RBFOX1: variants seen among roughly 807,000 people sequenced by gnomAD.
RBFOX1 encodes the protein RNA binding fox-1 homolog 1, also known as RNA binding protein fox-1 homolog 1.
In RBFOX1, 8 loss-of-function variants were observed where a neutral mutation model predicts 57.7. The observed-to-expected ratio is 0.14, with a 90% confidence interval of 0.08 to 0.25. The LOEUF is 0.25. RBFOX1 is among the 10% of genes least tolerant of loss of function. The probability of loss-of-function intolerance (pLI) is 1.00; values close to 1 mark genes in which losing one functional copy is unlikely to be tolerated. For synonymous variants in RBFOX1, 326 were observed against 222.4 expected (o/e 1.47, Z -4.15); for missense variants, 611 against 548.5 (o/e 1.11, Z -1.14).
intron 3 of RBFOX1, among the ~76,000 whole-genome samples, chr16:5,756,243 A>AC (rs2053391876): frequency 6.6e-6 from 1 of 151,212 alleles, no homozygotes; most frequent in Middle Eastern, 3.4e-3. Context: ...AAAAAAAAAA[A>AC]AAAAACCCTG....
intron 3 of RBFOX1, among the ~76,000 whole-genome samples, chr16:5,701,760 T>C (rs1033773114): frequency 6.6e-6 from 1 of 152,214 alleles, no homozygotes; most frequent in African/African-American, 2.4e-5. Context: ...GATGACCATC[T>C]TACCAGAGGC....
intron 3 of RBFOX1, among the ~76,000 whole-genome samples, chr16:6,787,856 A>G (rs1235725926): frequency 6.6e-6 from 1 of 152,240 alleles, no homozygotes; most frequent in Non-Finnish European, 1.5e-5. Context: ...TAAAGTTAAC[A>G]TAAGCGTAAC....
At chr16:7,223,461 T>C (rs2092879089) in intron 4 of RBFOX1, among the ~76,000 whole-genome samples, 1 of 152,208 alleles carries the variant, frequency 6.6e-6, no homozygotes, top group Admixed American at 6.5e-5. Context: ...CAAATTCGCA[T>C]TGGTAATGCG....
intron 2 of RBFOX1, among the ~76,000 whole-genome samples, chr16:5,539,192 C>T (rs984089833): frequency 6.6e-6 from 1 of 152,072 alleles, no homozygotes; most frequent in African/African-American, 2.4e-5. Context: ...AGAATGGGTC[C>T]AGGTCAGGTC....
At chr16:5,835,123 C>T (rs553722035) in intron 3 of RBFOX1, among the ~76,000 whole-genome samples, 4 of 151,536 alleles carry the variant, frequency 2.6e-5, no homozygotes, top group Non-Finnish European at 5.9e-5. Context: ...TATATAGGAC[C>T]CCCCCCAGAA....
chr16:7,422,470 C>G (rs2098552114), intron 4 of RBFOX1, among the ~76,000 whole-genome samples: 1 of 152,134 alleles, frequency 6.6e-6, no homozygotes, highest in African/African-American at 2.4e-5. Flanking sequence ...GGGAAATAGG[C>G]AGCAATTCGA....
intron 3 of RBFOX1, among the ~76,000 whole-genome samples, chr16:6,973,986 T>A (rs2086190687): frequency 6.6e-6 from 1 of 152,154 alleles, no homozygotes; most frequent in South Asian, 2.1e-4. Flanking sequence ...GTCCATGTGT[T>A]CTCATTGTTC....
intron 3 of RBFOX1, among the ~76,000 whole-genome samples, chr16:6,765,753 A>C (rs1455062806): frequency 6.6e-6 from 1 of 152,172 alleles, no homozygotes; most frequent in East Asian, 1.9e-4. Flanking sequence ...AGCAACCAAT[A>C]AGTAGATAAG....
chr16:6,840,897 A>AAAGAAAAG (rs1555518569), intron 3 of RBFOX1, among the ~76,000 whole-genome samples: 3 of 137,498 alleles, frequency 2.2e-5, no homozygotes, highest in African/African-American at 8.5e-5. Flanking sequence ...CAAAAAAAAA[A>AAAGAAAAG]AAAAAAACGA....
At chr16:5,753,668 T>C (rs1234839984) in intron 3 of RBFOX1, among the ~76,000 whole-genome samples, 1 of 152,142 alleles carries the variant, frequency 6.6e-6, no homozygotes, top group Non-Finnish European at 1.5e-5. Context: ...GGAGTATTTA[T>C]ACCACAGAAA....
chr16:5,728,575 C>T (rs897341546), intron 3 of RBFOX1, among the ~76,000 whole-genome samples: 1 of 152,070 alleles, frequency 6.6e-6, no homozygotes, highest in Non-Finnish European at 1.5e-5. Context: ...AAGGCGGGAA[C>T]ACCATTCTCT....
chr16:6,694,440 T>G (rs1278017721), intron 3 of RBFOX1, among the ~76,000 whole-genome samples: 1 of 152,234 alleles, frequency 6.6e-6, no homozygotes, highest in Non-Finnish European at 1.5e-5. Flanking sequence ...TGTGAACATT[T>G]CATTTTGGAT....
intron 3 of RBFOX1, among the ~76,000 whole-genome samples, chr16:6,730,565 G>T (rs1348034446): frequency 6.6e-6 from 1 of 151,914 alleles, no homozygotes; most frequent in East Asian, 1.9e-4. Flanking sequence ...CTATGTATCT[G>T]CCTATCTACA....
At chr16:7,450,056 G>A (rs887078839) in intron 4 of RBFOX1, among the ~76,000 whole-genome samples, 2 of 152,086 alleles carry the variant, frequency 1.3e-5, no homozygotes, top group Non-Finnish European at 2.9e-5. Context: ...TTCAGAGCCT[G>A]TCATCATAGA....
At chr16:6,049,627 C>T (rs1385670020) in intron 1 of RBFOX1, among the ~76,000 whole-genome samples, 2 of 152,172 alleles carry the variant, frequency 1.3e-5, no homozygotes, top group Non-Finnish European at 2.9e-5. Context: ...ATGAATCTCA[C>T]CACTATTAAA....
chr16:6,746,105 C>G (rs2154186925), intron 3 of RBFOX1, among the ~76,000 whole-genome samples: 1 of 152,186 alleles, frequency 6.6e-6, no homozygotes, highest in South Asian at 2.1e-4. Context: ...TACAGAATAG[C>G]TGAGAGGAGT....
chr16:7,080,761 T>A (rs1598926321), intron 4 of RBFOX1, among the ~76,000 whole-genome samples: 1 of 152,202 alleles, frequency 6.6e-6, no homozygotes, highest in Non-Finnish European at 1.5e-5. Flanking sequence ...TCTCTCCTCT[T>A]GCAAGGTATC....
intron 5 of RBFOX1, among the ~76,000 whole-genome samples, chr16:7,560,709 C>T (rs1444476795): frequency 1.3e-5 from 2 of 152,190 alleles, no homozygotes; most frequent in East Asian, 3.9e-4. Flanking sequence ...ATCATGTCTA[C>T]CACCCAAGTC....
intron 2 of RBFOX1, among the ~76,000 whole-genome samples, chr16:6,566,537 C>G (rs149960202): frequency 2.0e-5 from 3 of 152,236 alleles, no homozygotes; most frequent in Non-Finnish European, 4.4e-5. Flanking sequence ...AAACCATAGG[C>G]TGCTTATCCC....
Sources: gnomAD v4.1 joint callset for allele counts (sites outside exome capture counted in the v4.1 genomes callset) on GRCh38, gnomAD v4.1.1 for gene constraint, MANE v1.5 for transcripts, NCBI Gene and HGNC (gene_info 2026-07-23, HGNC 2026-07-21) for gene names.